Variants in PDE7A observed in about 807,000 individuals in gnomAD.
The protein encoded by PDE7A is phosphodiesterase 7A.
In PDE7A, 39 loss-of-function variants were observed where a neutral mutation model predicts 64.3. The ratio of observed to expected loss-of-function variants is 0.61; its 90% CI spans 0.47 to 0.79. PDE7A has a LOEUF of 0.79. PDE7A is among the 30% of genes least tolerant of loss of function. The pLI, the probability that PDE7A is intolerant of heterozygous loss-of-function variation, is 0.00. For synonymous variants in PDE7A, 203 were observed against 206.8 expected (o/e 0.98, Z 0.16); for missense variants, 470 against 582.8 (o/e 0.81, Z 1.99).
chr8:65,801,452 G>A (rs1201168800), intron 1 of PDE7A, among the ~76,000 whole-genome samples: 1 of 152,074 alleles, frequency 6.6e-6, no homozygotes, highest in African/African-American at 2.4e-5. Flanking sequence ...AATTAAAGTG[G>A]GTGAACCTGA....
rs1811085573 is a variant in PDE7A, at chr8:65,841,454, G to C, written c.55C>G (p.His19Asp). Residue 19 changes from histidine (H) to aspartate (D), a missense_variant, in exon 1 of 13, where the codon CAC becomes GAC. Transcript: ENST00000401827. Reference protein sequence around the residue: ...VLPLDRPVPQHVLSRRGAISF... With the variant: ...VLPLDRPVPQDVLSRRGAISF... ...ATGGCTCCTCGGCGGCTGAGGACGT[G>C]CTGGGGGACCGGCCTGTCCAGGGGC... 2 of 1,565,666 alleles carry C rather than the reference G, an allele frequency of 1.3e-6. No individual in the cohort carries two copies. The highest frequency in any genetic ancestry group is 5.2e-5 in the East Asian group (2 of 38,578).
At chr8:65,799,976 T>TC (rs1809950904) in intron 1 of PDE7A, among the ~76,000 whole-genome samples, 1 of 152,170 alleles carries the variant, frequency 6.6e-6, no homozygotes, top group Non-Finnish European at 1.5e-5. Context: ...ATCCTTAAGT[T>TC]CCTTCAAGGG....
chr8:65,806,852 G>C (rs143461969), intron 1 of PDE7A, among the ~76,000 whole-genome samples: 97 of 152,302 alleles, frequency 6.4e-4, no homozygotes, highest in Non-Finnish European at 1.1e-3. Context: ...GCTGACCACA[G>C]ACACATTAGT....
intron 1 of PDE7A, among the ~76,000 whole-genome samples, chr8:65,812,761 T>C (rs558028149): frequency 1.3e-5 from 2 of 152,312 alleles, no homozygotes; most frequent in South Asian, 2.1e-4. Context: ...CATAAAAACA[T>C]GCATAGCACC....
chr8:65,813,104 C>A (rs1585938464), intron 1 of PDE7A, among the ~76,000 whole-genome samples: 1 of 152,184 alleles, frequency 6.6e-6, no homozygotes, highest in East Asian at 1.9e-4. Flanking sequence ...ACAGTAGGCA[C>A]TGTGAAAAAC....
Position 65,716,017 on chromosome 8 carries a change from A to AAC in PDE7A, c.*3272_*3273insGT, listed in dbSNP as rs1322609308. On this transcript the variant is annotated 3_prime_UTR_variant, in exon 13 of 13. Transcript: ENST00000401827. ...GTCTCAAAAAAAAAAAAAAAAAAAAAAAAAAAAATTAGCTGGGTGGTGTGG... is the reference window on the plus strand; with the variant it reads ...GTCTCAAAAAAAAAAAAAAAAAAAAAACAAAAAAAATTAGCTGGGTGGTGTGG... Among the ~76,000 whole-genome samples, 1 of 147,220 alleles carries AAC rather than the reference A, an allele frequency of 6.8e-6. No homozygotes were observed. Among genetic ancestry groups the AAC allele is most frequent in the African/African-American group, 2.5e-5 (1 of 39,794 alleles).
At chr8:65,728,443 G>A (rs1460835815) in intron 7 of PDE7A, 2 of 152,072 alleles carry the variant, frequency 1.3e-5, no homozygotes, top group Non-Finnish European at 2.9e-5. Context: ...TGAATCTCCT[G>A]GAAAACTGTA....
chr8:65,759,400 A>T (rs1808390363), intron 3 of PDE7A, among the ~76,000 whole-genome samples: 1 of 152,214 alleles, frequency 6.6e-6, no homozygotes, highest in Non-Finnish European at 1.5e-5. Context: ...AATGACGAGA[A>T]CACCAAGGTC....
chr8:65,743,573 CAAAGGT>C (rs1480077014), intron 5 of PDE7A, among the ~76,000 whole-genome samples: 2 of 152,144 alleles, frequency 1.3e-5, no homozygotes, highest in Non-Finnish European at 2.9e-5. Flanking sequence ...AAGGTATAGA[CAAAGGT>C]ATTTCCACTA....
chr8:65,719,561 A>ATACAACATTAACCTTCCTACATCCTACTC, intron 12 of PDE7A, 66 bp from the exon 13 acceptor site: 1 of 1,039,706 alleles, frequency 9.6e-7, no homozygotes. Flanking sequence ...AACATCATCT[A>ATACAACATTAACCTTCCTACATCCTACTC]TACAACATTA....
chr8:65,724,929 T>C lies in PDE7A; in HGVS notation c.921-8A>G. The C allele has an allele frequency of 6.4e-7, 1 of 1,570,262 alleles. No homozygotes were observed. The highest frequency in any genetic ancestry group is 2.3e-5 in the East Asian group (1 of 44,236). Reference sequence around the variant, plus strand: ...TGTGTCTCCATTTGTTGCCTGGAAATAGAGAAATATAAAGAGAAAATATAA... The same window carrying C: ...TGTGTCTCCATTTGTTGCCTGGAAACAGAGAAATATAAAGAGAAAATATAA... On this transcript the variant is annotated splice_polypyrimidine_tract_variant and splice_region_variant and intron_variant, in intron 9 of 12. Coordinates refer to ENST00000401827, the MANE Select transcript of PDE7A (RefSeq NM_001242318.3).
chr8:65,787,545 A>G (rs1393855383), intron 1 of PDE7A, among the ~76,000 whole-genome samples: 1 of 152,218 alleles, frequency 6.6e-6, no homozygotes, highest in African/African-American at 2.4e-5. Flanking sequence ...CTGATCTACC[A>G]AACAGTATCC....
intron 3 of PDE7A, among the ~76,000 whole-genome samples, chr8:65,758,205 C>T (rs932345199): frequency 1.3e-5 from 2 of 152,132 alleles, no homozygotes; most frequent in African/African-American, 2.4e-5. Context: ...CAATAACAGC[C>T]GTATTCACTC....
At chr8:65,807,655 C>T (rs1810143000) in intron 1 of PDE7A, among the ~76,000 whole-genome samples, 1 of 152,180 alleles carries the variant, frequency 6.6e-6, no homozygotes, top group East Asian at 1.9e-4. Context: ...ACAATATTAG[C>T]TGTGGGTTTC....
chr8:65,819,139 G>C (rs1810480831), intron 1 of PDE7A, among the ~76,000 whole-genome samples: 1 of 152,230 alleles, frequency 6.6e-6, no homozygotes, highest in Non-Finnish European at 1.5e-5. Flanking sequence ...GCTCATGTCT[G>C]TTATGCAGGC....
chr8:65,742,157 AG>A (rs768041301), intron 5 of PDE7A, among the ~76,000 whole-genome samples: 1 of 152,254 alleles, frequency 6.6e-6, no homozygotes, highest in Non-Finnish European at 1.5e-5. Context: ...TTCTTGAAAA[AG>A]AAAATTGTAT....
intron 3 of PDE7A, 69 bp downstream of exon 3, chr8:65,779,651 G>T: frequency 1.2e-6 from 1 of 804,102 alleles, no homozygotes; most frequent in Non-Finnish European, 2.0e-6. Flanking sequence ...TTTTTCCCTT[G>T]GAAAACTGTG....
In PDE7A at chr8:65,840,398, GCACACACA is replaced by G. The variant is rs746987926; in HGVS notation, c.138+965_138+972del. ...CTACCAGGTGCTGTCCACACTACCT[GCACACACA>G]CACACACACACACACACACACACAC... On this transcript the variant is annotated intron_variant, in intron 1 of 12. Coordinates refer to ENST00000401827, the MANE Select transcript of PDE7A (RefSeq NM_001242318.3). Among the ~76,000 whole-genome samples, 5 of 109,664 alleles carry G rather than the reference GCACACACA, an allele frequency of 4.6e-5. No homozygotes were observed. The South Asian group carries it at 1.0e-3, about 22-fold the overall frequency. 71.9% of individuals were successfully genotyped at this position (109,664 alleles called of 152,430 possible). A position where few individuals can be genotyped will look rare whatever the true frequency, so the allele number is the denominator to read the frequency against.
chr8:65,818,584 G>T (rs1810469277), intron 1 of PDE7A, among the ~76,000 whole-genome samples: 1 of 152,184 alleles, frequency 6.6e-6, no homozygotes, highest in African/African-American at 2.4e-5. Context: ...ATGGGCATGT[G>T]TGTGGGCAGG....
Sources: gnomAD v4.1 joint callset for allele counts (sites outside exome capture counted in the v4.1 genomes callset) on GRCh38, gnomAD v4.1.1 for gene constraint, MANE v1.5 for transcripts, NCBI Gene and HGNC (gene_info 2026-07-23, HGNC 2026-07-21) for gene names.